Variants in OSBPL11 observed in about 807,000 individuals in gnomAD.
The protein encoded by OSBPL11 is oxysterol binding protein like 11, also known as oxysterol-binding protein-related protein 11.
A neutral mutation model predicts 84.4 loss-of-function variants in OSBPL11; 33 were observed. The ratio of observed to expected loss-of-function variants is 0.39; its 90% confidence interval spans 0.30 to 0.52. The LOEUF (loss-of-function observed/expected upper bound fraction) is 0.52, where lower values mean the gene tolerates loss of function less well. Ranked by LOEUF, OSBPL11 falls within the 20% of genes least tolerant of loss-of-function variation. The probability of loss-of-function intolerance (pLI) is 0.72; values close to 1 mark genes in which losing one functional copy is unlikely to be tolerated. For missense variants in OSBPL11, 736 were observed against 901.1 expected (o/e 0.82, Z 2.35); for synonymous variants, 276 against 310.2 (o/e 0.89, Z 1.16).
At chr3:125,589,241 C>A (rs1455467137) in intron 1 of OSBPL11, among the ~76,000 whole-genome samples, 1 of 150,138 alleles carries the variant, frequency 6.7e-6, no homozygotes, top group Non-Finnish European at 1.5e-5. Context: ...ACTCGGGAGA[C>A]TGAGGCACAA....
chr3:125,546,356 G>A (rs550550477), intron 10 of OSBPL11, among the ~76,000 whole-genome samples: 17 of 150,586 alleles, frequency 1.1e-4, no homozygotes, highest in Non-Finnish European at 1.9e-4. Flanking sequence ...TTTTTGAGAC[G>A]GAGTTTCACT....
intron 5 of OSBPL11, among the ~76,000 whole-genome samples, chr3:125,573,966 T>C (rs1301292458): frequency 6.6e-6 from 1 of 151,860 alleles, no homozygotes; most frequent in African/African-American, 2.4e-5. Flanking sequence ...GATTAAAATG[T>C]TCGTTTCAAA....
rs1936068706 is a variant in OSBPL11 at position 125,560,998 on chromosome 3, C to A, written c.1015-479G>T. Among the ~76,000 whole-genome samples, 2 of 151,840 alleles carry A rather than the reference C, an allele frequency of 1.3e-5. 1 individual carries two copies. Among genetic ancestry groups the A allele is most frequent in the African/African-American group, 4.8e-5 (2 of 41,322 alleles). On this transcript the variant is annotated intron_variant, in intron 7 of 12. Transcript: ENST00000296220. ...ACAGGTGCCCACCACCATGCCCGGT[C>A]CCTTAACTGCTTTTTTCTTTTTGAA... is the stretch of plus-strand genomic sequence containing the variant.
At chr3:125,573,041 T>C (rs982377208) in intron 5 of OSBPL11, among the ~76,000 whole-genome samples, 1 of 149,968 alleles carries the variant, frequency 6.7e-6, no homozygotes, top group African/African-American at 2.4e-5. Context: ...ATATATAACT[T>C]GCAGTCTGCT....
chr3:125,547,623 T>C, intron 9 of OSBPL11, 31 bp from the exon 10 acceptor site: 1 of 1,496,442 alleles, frequency 6.7e-7, no homozygotes, highest in Non-Finnish European at 9.1e-7. Flanking sequence ...GTGGTTAACA[T>C]CTTTTTAAAG....
intron 12 of OSBPL11, among the ~76,000 whole-genome samples, chr3:125,530,822 A>G (rs1935544774): frequency 1.3e-5 from 2 of 152,182 alleles, no homozygotes; most frequent in African/African-American, 2.4e-5. Flanking sequence ...TTAATTTTGC[A>G]AGAACCATTT....
intron 4 of OSBPL11, 79 bp downstream of exon 4, chr3:125,578,881 T>A: frequency 1.2e-6 from 1 of 829,376 alleles, no homozygotes; most frequent in South Asian, 2.1e-5. Flanking sequence ...ATGAATAGTA[T>A]CTCAATTTTA....
intron 4 of OSBPL11, 81 bp downstream of exon 4, chr3:125,578,879 T>A (rs1278014395): frequency 5.1e-6 from 4 of 789,910 alleles, no homozygotes; most frequent in Non-Finnish European, 7.9e-6. Context: ...ATATGAATAG[T>A]ATCTCAATTT....
chr3:125,565,906 C>T (rs985460408), intron 6 of OSBPL11, among the ~76,000 whole-genome samples: 3 of 151,924 alleles, frequency 2.0e-5, no homozygotes. Context: ...CTAAACTAAT[C>T]AGTCTTTGCA....
At chr3:125,585,171 C>A (rs1320001781) in intron 1 of OSBPL11, among the ~76,000 whole-genome samples, 1 of 152,186 alleles carries the variant, frequency 6.6e-6, no homozygotes, top group Non-Finnish European at 1.5e-5. Context: ...CGCTCTTTTG[C>A]CTAGGCTGGA....
chr3:125,591,144 TAA>T (rs1241742111), intron 1 of OSBPL11, among the ~76,000 whole-genome samples: 1 of 152,208 alleles, frequency 6.6e-6, no homozygotes, highest in Non-Finnish European at 1.5e-5. Flanking sequence ...ATAAGACACT[TAA>T]ACATTCTGGC....
chr3:125,568,088 A>G (rs1161063973), intron 5 of OSBPL11, among the ~76,000 whole-genome samples: 2 of 151,360 alleles, frequency 1.3e-5, no homozygotes, highest in African/African-American at 4.9e-5. Flanking sequence ...GTGCTTATCA[A>G]TTGGGCAAAA....
chr3:125,563,603 G>C, intron 7 of OSBPL11, 95 bp downstream of exon 7: 5 of 1,218,704 alleles, frequency 4.1e-6, no homozygotes, highest in Non-Finnish European at 4.7e-6. Flanking sequence ...CAGGTGTTAA[G>C]TTGATGTGCA....
chr3:125,575,731 C>T (rs981257660), intron 5 of OSBPL11, among the ~76,000 whole-genome samples: 1 of 151,404 alleles, frequency 6.6e-6, no homozygotes, highest in Non-Finnish European at 1.5e-5. Flanking sequence ...GAGACGGGGT[C>T]TGGCTTTGTT....
In OSBPL11 at chr3:125,544,070, AT is replaced by A. The variant is rs35835902; in HGVS notation, c.1841+3335del. ...TTGATGAGCATCCTTATGAACCAAG[AT>A]TTTTTTTTTTTTTTTTTTGAGACAG... On this transcript the variant is annotated intron_variant, in intron 10 of 12. Coordinates refer to ENST00000296220, the MANE Select transcript of OSBPL11 (RefSeq NM_022776.5). Among the ~76,000 whole-genome samples the A allele has an allele frequency of 4.1e-3, 567 of 136,800 alleles. 2 individuals are homozygous for A. The highest frequency in any genetic ancestry group is 7.6e-3 in the African/African-American group (278 of 36,738). The allele number at this position is 136,800 out of a possible 152,430, so 89.7% of individuals were successfully genotyped here.
chr3:125,564,924 G>A (rs1163996890), intron 6 of OSBPL11, among the ~76,000 whole-genome samples: 1 of 152,080 alleles, frequency 6.6e-6, no homozygotes, highest in Admixed American at 6.6e-5. Flanking sequence ...CAAAGTGCTG[G>A]GATTACAGGC....
chr3:125,539,329 ATAT>A (rs1935691028), intron 10 of OSBPL11, among the ~76,000 whole-genome samples: 1 of 121,458 alleles, frequency 8.2e-6, no homozygotes, highest in Non-Finnish European at 1.6e-5. Context: ...ATATATATAT[ATAT>A]ATATATATAT....
chr3:125,537,147 G>A (rs1265059370), intron 11 of OSBPL11, among the ~76,000 whole-genome samples: 1 of 127,408 alleles, frequency 7.8e-6, no homozygotes, highest in Admixed American at 8.7e-5. Flanking sequence ...GTGACAGGGT[G>A]AGACCCTGTC....
chr3:125,539,946 G>A (rs1346617476), intron 10 of OSBPL11, among the ~76,000 whole-genome samples: 1 of 152,128 alleles, frequency 6.6e-6, no homozygotes, highest in Non-Finnish European at 1.5e-5. Flanking sequence ...GACAGTTCAG[G>A]AATCCCAAGT....
Sources: allele counts gnomAD v4.1 joint callset (sites outside exome capture counted in the v4.1 genomes callset), GRCh38; gene constraint gnomAD v4.1.1; transcripts MANE v1.5; gene names NCBI Gene and HGNC (gene_info 2026-07-23, HGNC 2026-07-21).